CELF2: variants seen among roughly 807,000 people sequenced by gnomAD.
CELF2 encodes the protein CUGBP Elav-like family member 2, also known as CUG triplet repeat RNA-binding protein 2.
Under a neutral mutation model 62.6 loss-of-function variants are expected in CELF2, and 8 were observed. The ratio of observed to expected loss-of-function variants is 0.13; its 90% confidence interval spans 0.07 to 0.23. CELF2 has a LOEUF of 0.23. Ranked by LOEUF, CELF2 falls within the 10% of genes least tolerant of loss-of-function variation. The pLI is 1.00. For synonymous variants in CELF2, 258 were observed against 250.0 expected (o/e 1.03, Z -0.30); for missense variants, 333 against 671.0 (o/e 0.50, Z 5.56).
chr10:11,049,402 T>C (rs1345861938), intron 1 of CELF2, among the ~76,000 whole-genome samples: 4 of 151,916 alleles, frequency 2.6e-5, no homozygotes, highest in Non-Finnish European at 5.9e-5. Context: ...ATTGTGCTAG[T>C]TTAGATGCCC....
chr10:11,027,872 A>G (rs1173065212), intron 1 of CELF2, among the ~76,000 whole-genome samples: 1 of 152,228 alleles, frequency 6.6e-6, no homozygotes, highest in African/African-American at 2.4e-5. Flanking sequence ...GTCCCACAGT[A>G]TTACCGTCAG....
chr10:11,153,531 C>T (rs920919822), intron 1 of CELF2, among the ~76,000 whole-genome samples: 3 of 152,036 alleles, frequency 2.0e-5, no homozygotes, highest in East Asian at 1.9e-4. Flanking sequence ...AGAGAACATG[C>T]GCTTTGTGTG....
chr10:10,857,799 T>TA (rs887872635), intron 1 of CELF2, among the ~76,000 whole-genome samples: 22 of 150,290 alleles, frequency 1.5e-4, no homozygotes, highest in South Asian at 4.2e-4. Flanking sequence ...ATGAAACTAG[T>TA]AAAAAAAATG....
At position 11,269,877 on chromosome 10, in the gene CELF2, G is replaced by A. The variant is rs2083242229; in HGVS notation, c.619-789G>A. Among the ~76,000 whole-genome samples the A allele has an allele frequency of 6.6e-6, 1 of 152,200 alleles. No homozygotes were observed. The highest frequency in any genetic ancestry group is 1.5e-5 in the Non-Finnish European group (1 of 68,040). On this transcript the variant is annotated intron_variant, in intron 6 of 12. Coordinates refer to ENST00000633077, the MANE Select transcript of CELF2 (RefSeq NM_001326342.2). This position sits in a 1 kb window ranked among gnomAD's most constrained non-coding sequence, Gnocchi z 4.4. ...TTAAAGGAAATTAAAACTGAAAGAA[G>A]CTGCTAGAATGGTGAGATTCATTAG...
At chr10:10,789,685 G>A in the CELF2 span, among the ~76,000 whole-genome samples, 1 of 151,802 alleles carries the variant, frequency 6.6e-6, no homozygotes, top group Non-Finnish European at 1.5e-5. Flanking sequence ...ATTGCATTTT[G>A]TTTTTACTTA....
At chr10:11,196,131 G>A (rs770892731) in intron 2 of CELF2, among the ~76,000 whole-genome samples, 4 of 152,038 alleles carry the variant, frequency 2.6e-5, no homozygotes, top group Non-Finnish European at 2.9e-5. Flanking sequence ...GCTAGCAGCT[G>A]TATTATCATA....
chr10:10,622,630 G>C, the CELF2 span, among the ~76,000 whole-genome samples: 1 of 152,062 alleles, frequency 6.6e-6, no homozygotes, highest in Non-Finnish European at 1.5e-5. Flanking sequence ...ACTCCAGCCT[G>C]GGTGACAGAA....
chr10:11,096,842 C>T (rs897158217), intron 1 of CELF2, among the ~76,000 whole-genome samples: 1 of 152,116 alleles, frequency 6.6e-6, no homozygotes, highest in African/African-American at 2.4e-5. Context: ...CACTGTAGCC[C>T]GAATTTAAAT....
At position 11,227,544 on chromosome 10, in the gene CELF2, G is replaced by A. The variant is rs1258602376; in HGVS notation, c.354+10037G>A. ...GGATCAAAGGCTGAGCACTGGCTGC[G>A]ATATTAGGGCCAGTTCTGGGTTGGC... is the stretch of plus-strand genomic sequence containing the variant. On this transcript the variant is annotated intron_variant, in intron 3 of 12. Transcript: ENST00000633077. The surrounding 1 kb of genome is among the most constrained non-coding windows in gnomAD (Gnocchi z 4.8). 1.3e-5 allele frequency among the ~76,000 whole-genome samples: 2 copies of A among 152,228 alleles called. No homozygotes were observed. The highest frequency in any genetic ancestry group is 6.5e-5 in the Admixed American group (1 of 15,292).
At chr10:10,985,686 G>A (rs539155544) in intron 2 of CELF2, among the ~76,000 whole-genome samples, 204 of 152,308 alleles carry the variant, frequency 1.3e-3, no homozygotes, top group African/African-American at 4.6e-3. Context: ...TGGCCTTGCC[G>A]TGGTCATAAT....
intron 3 of CELF2, among the ~76,000 whole-genome samples, chr10:11,222,797 A>T (rs2065264875): frequency 6.6e-6 from 1 of 152,276 alleles, no homozygotes; most frequent in Non-Finnish European, 1.5e-5. Context: ...AAAAAAGATA[A>T]TTATGCCTAA....
intron 1 of CELF2, among the ~76,000 whole-genome samples, chr10:11,025,459 C>T (rs1462247941): frequency 1.3e-5 from 2 of 152,082 alleles, no homozygotes; most frequent in Non-Finnish European, 2.9e-5. Context: ...AGGGGCCCTT[C>T]CCCCTTCGTT....
chr10:11,028,612 G>C (rs1327914394), intron 1 of CELF2, among the ~76,000 whole-genome samples: 3 of 151,354 alleles, frequency 2.0e-5, no homozygotes, highest in Non-Finnish European at 4.4e-5. Flanking sequence ...GTAAAGATGG[G>C]GTTTCACCAT....
chr10:10,932,434 T>C (rs1462661911), intron 2 of CELF2, among the ~76,000 whole-genome samples: 1 of 152,122 alleles, frequency 6.6e-6, no homozygotes, highest in African/African-American at 2.4e-5. Context: ...ATATGTGAAG[T>C]GATAGATATT....
At chr10:10,616,106 T>C in the CELF2 span, among the ~76,000 whole-genome samples, 1 of 152,162 alleles carries the variant, frequency 6.6e-6, no homozygotes, top group African/African-American at 2.4e-5. Context: ...GTGACTGATG[T>C]ATTGGCTGGT....
At chr10:10,515,254 A>G in the CELF2 span, among the ~76,000 whole-genome samples, 1 of 152,194 alleles carries the variant, frequency 6.6e-6, no homozygotes, top group East Asian at 1.9e-4. Flanking sequence ...TGTATGTGTA[A>G]TGAAGCCAGA....
At chr10:10,624,527 G>A in the CELF2 span, among the ~76,000 whole-genome samples, 13 of 152,076 alleles carry the variant, frequency 8.5e-5, no homozygotes, top group Admixed American at 2.0e-4. Flanking sequence ...TGGCCAATTC[G>A]GCTCATTGAT....
At chr10:10,558,903 C>A in the CELF2 span, among the ~76,000 whole-genome samples, 2 of 151,838 alleles carry the variant, frequency 1.3e-5, no homozygotes, top group Non-Finnish European at 2.9e-5. Flanking sequence ...GCAGCTAGTC[C>A]GAACAGACTG....
At chr10:11,195,849 C>G (rs942944815) in intron 2 of CELF2, among the ~76,000 whole-genome samples, 2 of 152,116 alleles carry the variant, frequency 1.3e-5, no homozygotes, top group East Asian at 3.9e-4. Context: ...TGCAGCAATG[C>G]CGAAGAGTGG....
Sources: gnomAD v4.1 joint callset for allele counts (sites outside exome capture counted in the v4.1 genomes callset) on GRCh38, gnomAD v4.1.1 for gene constraint, Gnocchi (gnomAD v3.1) non-coding constraint, MANE v1.5 for transcripts, NCBI Gene and HGNC (gene_info 2026-07-23, HGNC 2026-07-21) for gene names.